MAGI1: variants seen among roughly 807,000 people sequenced by gnomAD.
MAGI1 encodes the protein membrane-associated guanylate kinase, WW and PDZ domain-containing protein 1.
MAGI1 carries 58 observed loss-of-function variants against 139.9 expected under a neutral mutation model. The ratio of observed to expected loss-of-function variants is 0.41; its 90% CI spans 0.34 to 0.52. The LOEUF (loss-of-function observed/expected upper bound fraction) is 0.52. Ranked by LOEUF, MAGI1 falls within the 20% of genes least tolerant of loss-of-function variation. The pLI is 0.12. For missense variants in MAGI1, 1,874 were observed against 1,901.6 expected (o/e 0.99, Z 0.27); for synonymous variants, 812 against 737.9 (o/e 1.10, Z -1.63).
At chr3:65,920,446 C>T (rs1337611108) in intron 1 of MAGI1, among the ~76,000 whole-genome samples, 1 of 152,184 alleles carries the variant, frequency 6.6e-6, no homozygotes, top group Non-Finnish European at 1.5e-5. Flanking sequence ...TAATCCTGAA[C>T]CATCTCTTTT....
intron 1 of MAGI1, among the ~76,000 whole-genome samples, chr3:65,905,268 TA>T (rs1201719625): frequency 1.3e-5 from 2 of 152,030 alleles, no homozygotes; most frequent in Non-Finnish European, 1.5e-5. Flanking sequence ...CAAAAGATAA[TA>T]AAAATTAATG....
chr3:65,997,470 C>G (rs2066509076), intron 1 of MAGI1, among the ~76,000 whole-genome samples: 1 of 152,052 alleles, frequency 6.6e-6, no homozygotes, highest in African/African-American at 2.4e-5. Flanking sequence ...TCCTGGCCAA[C>G]ATGGTGAAAC....
intron 18 of MAGI1, among the ~76,000 whole-genome samples, chr3:65,371,070 G>A (rs1437352690): frequency 2.6e-5 from 4 of 152,320 alleles, no homozygotes; most frequent in Non-Finnish European, 5.9e-5. Flanking sequence ...TTCACTCAGG[G>A]AGTACTTTCT....
At chr3:65,438,130 T>G (rs1450422178) in intron 9 of MAGI1, among the ~76,000 whole-genome samples, 1 of 152,166 alleles carries the variant, frequency 6.6e-6, no homozygotes, top group Non-Finnish European at 1.5e-5. Flanking sequence ...TCAACCTAAG[T>G]GTCCATCAGT....
chr3:66,025,960 A>G (rs1312195323), intron 1 of MAGI1, among the ~76,000 whole-genome samples: 1 of 152,248 alleles, frequency 6.6e-6, no homozygotes, highest in African/African-American at 2.4e-5. Context: ...TTAAAAGATT[A>G]GAAACCAAAA....
chr3:65,670,476 G>A (rs1449971639), intron 1 of MAGI1, among the ~76,000 whole-genome samples: 1 of 151,830 alleles, frequency 6.6e-6, no homozygotes, highest in Non-Finnish European at 1.5e-5. Flanking sequence ...TGAAAATTTA[G>A]AGGTTGCTCT....
At chr3:65,984,512 A>ATATGTGTGTG (rs1553743191) in intron 1 of MAGI1, among the ~76,000 whole-genome samples, 1 of 140,394 alleles carries the variant, frequency 7.1e-6, no homozygotes, top group Non-Finnish European at 1.5e-5. Context: ...TCAAAATAAA[A>ATATGTGTGTG]TGTGTGTGTG....
At chr3:66,027,611 G>A (rs1392247789) in intron 1 of MAGI1, among the ~76,000 whole-genome samples, 1 of 152,230 alleles carries the variant, frequency 6.6e-6, no homozygotes, top group Non-Finnish European at 1.5e-5. Flanking sequence ...CAGCTGAAAT[G>A]AGAATAAGCT....
intron 1 of MAGI1, among the ~76,000 whole-genome samples, chr3:65,838,705 G>C (rs1010347848): frequency 6.6e-6 from 1 of 152,210 alleles, no homozygotes; most frequent in African/African-American, 2.4e-5. Context: ...ACAGGTTTTT[G>C]TGTGGACATA....
At chr3:65,607,808 T>A (rs1576462050) in intron 2 of MAGI1, among the ~76,000 whole-genome samples, 5 of 152,336 alleles carry the variant, frequency 3.3e-5, no homozygotes, top group African/African-American at 1.2e-4. Context: ...ATCAGGTGTT[T>A]CGGCTTACTG....
At position 65,548,367 on chromosome 3, in the gene MAGI1, C is replaced by T. The variant is rs368698969; in HGVS notation, c.431-54736G>A. On this transcript the variant is annotated intron_variant, in intron 2 of 22. Transcript: ENST00000402939. ...CAAGAAGGCCTAGGCACCCTACCATCCCCTCTCCCTGCACTGGGGACCACC... is the reference window on the plus strand; with the variant it reads ...CAAGAAGGCCTAGGCACCCTACCATTCCCTCTCCCTGCACTGGGGACCACC... Among the ~76,000 whole-genome samples the T allele has an allele frequency of 7.6e-4, 115 of 152,246 alleles. 2 individuals carry two copies. Among genetic ancestry groups the T allele is most frequent in the African/African-American group, 2.6e-3 (109 of 41,550 alleles).
rs1223945422 is a variant in MAGI1 at position 65,391,298 on chromosome 3, T to C, written c.2260A>G (p.Ser754Gly). 1.9e-6 allele frequency: 3 copies of C among 1,614,142 alleles called. No homozygotes were observed. The highest frequency in any genetic ancestry group is 2.5e-6 in the Non-Finnish European group (3 of 1,180,040). Residue 754 changes from serine (S) to glycine (G), a missense_variant, in exon 14 of 23, where the codon AGC (serine) becomes GGC (glycine). Transcript: ENST00000402939. ...TGGCTTGGGGATGCTGTGTGCAGGCTTCGGTGGCTGGAAACACTGTGCTGA... is the reference window on the plus strand; with the variant it reads ...TGGCTTGGGGATGCTGTGTGCAGGCCTCGGTGGCTGGAAACACTGTGCTGA... ...SSQHSVSSHR[S>G]LHTASPSHST...
chr3:65,418,115 G>A (rs1559537672), intron 12 of MAGI1, among the ~76,000 whole-genome samples: 1 of 152,142 alleles, frequency 6.6e-6, no homozygotes, highest in East Asian at 1.9e-4. Flanking sequence ...TAACTGTCTG[G>A]CCCAAAATGA....
chr3:65,521,897 G>A (rs1436883265), intron 2 of MAGI1, among the ~76,000 whole-genome samples: 1 of 152,074 alleles, frequency 6.6e-6, no homozygotes, highest in Non-Finnish European at 1.5e-5. Context: ...TTATTTCAAT[G>A]GGACTTAATG....
intron 2 of MAGI1, among the ~76,000 whole-genome samples, chr3:65,550,545 T>C (rs1185322584): frequency 2.0e-5 from 3 of 152,206 alleles, no homozygotes; most frequent in Non-Finnish European, 4.4e-5. Flanking sequence ...CTTCCTTTTA[T>C]TCATATACAA....
chr3:65,837,540 T>C (rs1253544483), intron 1 of MAGI1, among the ~76,000 whole-genome samples: 1 of 152,174 alleles, frequency 6.6e-6, no homozygotes, highest in African/African-American at 2.4e-5. Context: ...CCTCTGCTTC[T>C]ATAAAATATG....
chr3:65,793,444 A>G (rs1313700411), intron 1 of MAGI1, among the ~76,000 whole-genome samples: 1 of 152,242 alleles, frequency 6.6e-6, no homozygotes, highest in Non-Finnish European at 1.5e-5. Flanking sequence ...CCAAAGGAGA[A>G]CAGGAACTTA....
In MAGI1 at chr3:66,033,375, C is replaced by G. The variant is rs1183737075; in HGVS notation, c.313+4621G>C. Among the ~76,000 whole-genome samples, 3 of 152,150 alleles carry G rather than the reference C, an allele frequency of 2.0e-5. No individual in the cohort carries two copies. The East Asian group carries it at 5.8e-4, about 29-fold the overall frequency. The stretch of plus-strand genomic sequence containing the variant: ...GGGCCAGCTCACATTGGCTTGGGAA[C>G]AGCAAGTATACGCGTCTCTTCCCAA... On this transcript the variant is annotated intron_variant, in intron 1 of 22. Coordinates refer to ENST00000402939, the MANE Select transcript of MAGI1 (RefSeq NM_001033057.2).
chr3:65,814,131 AGAG>A (rs2041453705), intron 1 of MAGI1, among the ~76,000 whole-genome samples: 1 of 152,166 alleles, frequency 6.6e-6, no homozygotes, highest in African/African-American at 2.4e-5. Flanking sequence ...AGTAAGCTTC[AGAG>A]GAGATCGGGT....
Sources: gnomAD v4.1 joint callset for allele counts (sites outside exome capture counted in the v4.1 genomes callset) on GRCh38, gnomAD v4.1.1 for gene constraint, MANE v1.5 for transcripts, NCBI Gene and HGNC (gene_info 2026-07-23, HGNC 2026-07-21) for gene names.